The following PCDH15 variants were observed in gnomAD, a reference collection of about 807,000 sequenced individuals.
PCDH15 encodes protocadherin-15.
PCDH15 carries 129 observed loss-of-function variants against 178.5 expected under a neutral mutation model. The observed-to-expected ratio is 0.72, with a 90% confidence interval of 0.63 to 0.84. PCDH15 has a LOEUF of 0.84. Ranked by LOEUF, PCDH15 falls within the 40% of genes least tolerant of loss-of-function variation. The pLI is 0.00. For synonymous variants in PCDH15, 800 were observed against 732.0 expected (o/e 1.09, Z -1.50); for missense variants, 2,230 against 2,099.9 (o/e 1.06, Z -1.21).
At chr10:55,228,249 G>T (rs1224187521) in intron 1 of PCDH15, among the ~76,000 whole-genome samples, 6 of 151,946 alleles carry the variant, frequency 3.9e-5, no homozygotes, top group African/African-American at 1.5e-4. Context: ...ATGTATATCT[G>T]CCTGTTTCAG....
At chr10:54,198,728 C>T (rs112247833) in intron 10 of PCDH15, among the ~76,000 whole-genome samples, 31,801 of 102,690 alleles carry the variant, frequency 0.31, 7,127 homozygotes, top group African/African-American at 0.41. Flanking sequence ...GTCTCGATCT[C>T]CTGACCTCGT....
At chr10:53,875,567 G>A (rs2080173008) in intron 26 of PCDH15, among the ~76,000 whole-genome samples, 2 of 151,826 alleles carry the variant, frequency 1.3e-5, no homozygotes, top group Non-Finnish European at 2.9e-5. Flanking sequence ...GGTGACTCTG[G>A]AAGATTTGAT....
chr10:53,817,879 T>G (rs1449270360), intron 34 of PCDH15, 116 bp downstream of exon 34: 3 of 396,442 alleles, frequency 7.6e-6, no homozygotes, highest in African/African-American at 2.1e-5. Flanking sequence ...TACTAATATG[T>G]TTTTGCTGAA....
chr10:54,992,101 A>T (rs916634279), intron 2 of PCDH15, among the ~76,000 whole-genome samples: 2 of 152,086 alleles, frequency 1.3e-5, no homozygotes, highest in African/African-American at 2.4e-5. Context: ...AAAATAAAGA[A>T]TTTTTTAAAA....
intron 2 of PCDH15, among the ~76,000 whole-genome samples, chr10:55,425,978 T>C (rs1169952576): frequency 2.0e-5 from 3 of 152,186 alleles, no homozygotes; most frequent in African/African-American, 7.2e-5. Flanking sequence ...GGTATAGTCA[T>C]AGCAAAATAC....
chr10:54,983,449 C>T (rs954761539), intron 2 of PCDH15, among the ~76,000 whole-genome samples: 1 of 152,048 alleles, frequency 6.6e-6, no homozygotes, highest in Non-Finnish European at 1.5e-5. Context: ...TGGTGAGTGA[C>T]TCACAATTTT....
intron 1 of PCDH15, among the ~76,000 whole-genome samples, chr10:54,736,018 A>T (rs531897002): frequency 2.7e-4 from 40 of 145,692 alleles, no homozygotes; most frequent in African/African-American, 6.1e-4. Flanking sequence ...AAGTATAATT[A>T]AAAAAAAAAA....
chr10:55,179,329 T>C (rs1313330432), intron 1 of PCDH15, among the ~76,000 whole-genome samples: 1 of 152,040 alleles, frequency 6.6e-6, no homozygotes, highest in Admixed American at 6.6e-5. Context: ...TACAGACGAA[T>C]TCCTAGGCAG....
intron 3 of PCDH15, among the ~76,000 whole-genome samples, chr10:54,492,150 G>C (rs901532392): frequency 6.6e-6 from 1 of 152,138 alleles, no homozygotes; most frequent in Non-Finnish European, 1.5e-5. Context: ...ATTCCAAGTA[G>C]TAGCTTAAAA....
At position 54,757,405 on chromosome 10, in the gene PCDH15, C is replaced by G. The variant is rs1190092147; in HGVS notation, c.-29+43520G>C. Among the ~76,000 whole-genome samples the G allele has an allele frequency of 4.6e-5, 4 of 86,782 alleles. 2 individuals are homozygous for G. Among genetic ancestry groups the G allele is most frequent in the African/African-American group, 2.1e-4 (4 of 19,074 alleles). The allele number at this position is 86,782 out of a possible 152,430, so 56.9% of individuals were successfully genotyped here. ...TCACGCCATTCTCCTGCCTCAGCCT[C>G]CCGAGTAGCTGGGACTACAGGCGCG... On this transcript the variant is annotated intron_variant, in intron 1 of 37. Coordinates refer to ENST00000644397, the MANE Select transcript of PCDH15 (RefSeq NM_001384140.1).
At chr10:55,261,497 C>T (rs1842144021) in intron 1 of PCDH15, among the ~76,000 whole-genome samples, 1 of 152,070 alleles carries the variant, frequency 6.6e-6, no homozygotes. Context: ...CTATGTTATA[C>T]CAATGTATTA....
At chr10:54,899,908 C>T (rs944470385) in intron 2 of PCDH15, among the ~76,000 whole-genome samples, 8 of 148,496 alleles carry the variant, frequency 5.4e-5, no homozygotes, top group African/African-American at 2.0e-4. Flanking sequence ...TTAAAATTTG[C>T]TGTGCATTCC....
chr10:54,435,387 A>T (rs2075313019), intron 3 of PCDH15, among the ~76,000 whole-genome samples: 1 of 152,166 alleles, frequency 6.6e-6, no homozygotes, highest in South Asian at 2.1e-4. Context: ...CACATGACCC[A>T]GATTATGCTA....
At chr10:54,635,162 T>TATACATAAATAA (rs71461251) in intron 2 of PCDH15, among the ~76,000 whole-genome samples, 1 of 145,378 alleles carries the variant, frequency 6.9e-6, no homozygotes, top group Non-Finnish European at 1.5e-5. Flanking sequence ...AATAGTCTCC[T>TATACATAAATAA]ATAAATAAAT....
chr10:54,749,158 A>G (rs1945863162), intron 1 of PCDH15, among the ~76,000 whole-genome samples: 2 of 152,156 alleles, frequency 1.3e-5, no homozygotes, highest in Admixed American at 1.3e-4. Context: ...TCCCAGGCCA[A>G]AGTGTTTCCA....
intron 16 of PCDH15, among the ~76,000 whole-genome samples, chr10:54,083,011 G>T (rs1012101722): frequency 2.0e-5 from 3 of 151,962 alleles, no homozygotes; most frequent in African/African-American, 7.2e-5. Context: ...ATGAAAATAT[G>T]TCATTAGTCA....
chr10:55,386,079 A>T (rs543558035), intron 2 of PCDH15, among the ~76,000 whole-genome samples: 11 of 152,060 alleles, frequency 7.2e-5, no homozygotes, highest in Non-Finnish European at 1.3e-4. Context: ...AAGTCAAATA[A>T]AATAAAATAC....
At chr10:53,868,788 A>C (rs1248687192) in intron 26 of PCDH15, among the ~76,000 whole-genome samples, 1 of 152,142 alleles carries the variant, frequency 6.6e-6, no homozygotes, top group Non-Finnish European at 1.5e-5. Flanking sequence ...AGATAATTTC[A>C]CTTCAGGATC....
intron 1 of PCDH15, among the ~76,000 whole-genome samples, chr10:55,293,157 C>T (rs899379131): frequency 1.3e-5 from 2 of 152,182 alleles, no homozygotes; most frequent in African/African-American, 4.8e-5. Flanking sequence ...CACATGGGAG[C>T]TGCCAAGGCT....
Sources: allele counts gnomAD v4.1 joint callset (sites outside exome capture counted in the v4.1 genomes callset), GRCh38; gene constraint gnomAD v4.1.1; transcripts MANE v1.5; gene names NCBI Gene and HGNC (gene_info 2026-07-23, HGNC 2026-07-21).